RFC1: variants seen among roughly 807,000 people sequenced by gnomAD.
The protein encoded by RFC1 is A1 140 kDa subunit.
RFC1 carries 37 observed loss-of-function variants against 137.4 expected under a neutral mutation model. The observed-to-expected ratio is 0.27, with a 90% CI of 0.21 to 0.35. The LOEUF (loss-of-function observed/expected upper bound fraction) is 0.35, where lower values mean the gene tolerates loss of function less well. RFC1 is among the 10% of genes least tolerant of loss of function. RFC1 has a pLI of 1.00. For missense variants in RFC1, 1,205 were observed against 1,358.5 expected (o/e 0.89, Z 1.78); for synonymous variants, 429 against 455.7 (o/e 0.94, Z 0.75).
At chr4:39,307,858 T>C (rs1245777050) in intron 13 of RFC1, among the ~76,000 whole-genome samples, 1 of 152,214 alleles carries the variant, frequency 6.6e-6, no homozygotes, top group African/African-American at 2.4e-5. Flanking sequence ...CATTACAATA[T>C]ATTATTTTTA....
At chr4:39,289,701 C>T (rs1304387738) in intron 24 of RFC1, 147 bp downstream of exon 24, 2 of 605,932 alleles carry the variant, frequency 3.3e-6, no homozygotes, top group Non-Finnish European at 5.8e-6. Context: ...GAAATCTCTA[C>T]CTTCTCCACC....
chr4:39,346,881 G>A (rs920866932), intron 2 of RFC1, among the ~76,000 whole-genome samples: 1 of 152,288 alleles, frequency 6.6e-6, no homozygotes, highest in Admixed American at 6.5e-5. Flanking sequence ...TTATACATAT[G>A]TGGAACAACT....
At chr4:39,356,259 C>G (rs1741474760) in intron 1 of RFC1, among the ~76,000 whole-genome samples, 1 of 151,928 alleles carries the variant, frequency 6.6e-6, no homozygotes, top group African/African-American at 2.4e-5. Flanking sequence ...ATTAGCCGAG[C>G]TTGGTGGTAC....
intron 3 of RFC1, 49 bp downstream of exon 3, chr4:39,345,352 G>T: frequency 6.8e-7 from 1 of 1,470,602 alleles, no homozygotes; most frequent in Non-Finnish European, 9.5e-7. Flanking sequence ...TGTTCTAAGG[G>T]ATATACAATA....
intron 10 of RFC1, among the ~76,000 whole-genome samples, chr4:39,314,274 T>A (rs1489637082): frequency 6.6e-6 from 1 of 152,178 alleles, no homozygotes; most frequent in East Asian, 1.9e-4. Context: ...ACTGTAACAC[T>A]ACAGGAACTT....
chr4:39,361,474 T>C (rs1425622944), intron 1 of RFC1, among the ~76,000 whole-genome samples: 1 of 152,214 alleles, frequency 6.6e-6, no homozygotes, highest in Non-Finnish European at 1.5e-5. Flanking sequence ...TTGGAGGGCT[T>C]TCCCTCTAAA....
intron 4 of RFC1, among the ~76,000 whole-genome samples, chr4:39,337,588 G>C (rs1196188553): frequency 6.6e-6 from 1 of 151,676 alleles, no homozygotes. Flanking sequence ...TTTTTAACAA[G>C]TATAATCAAA....
chr4:39,334,260 C>T (rs1024890857), intron 4 of RFC1, among the ~76,000 whole-genome samples: 2 of 152,120 alleles, frequency 1.3e-5, no homozygotes, highest in Non-Finnish European at 1.5e-5. Flanking sequence ...AAGCCACAGG[C>T]ATATCTGAAA....
intron 1 of RFC1, among the ~76,000 whole-genome samples, chr4:39,355,636 T>C (rs947558727): frequency 5.3e-5 from 8 of 152,190 alleles, no homozygotes; most frequent in Non-Finnish European, 8.8e-5. Context: ...TTTAGAAGAC[T>C]GATAATGCCC....
At chr4:39,293,934 G>T (rs1737831543) in intron 22 of RFC1, among the ~76,000 whole-genome samples, 1 of 152,214 alleles carries the variant, frequency 6.6e-6, no homozygotes, top group East Asian at 1.9e-4. Flanking sequence ...CCACCTGCAT[G>T]TCTTGGCTGA....
chr4:39,317,114 G>T, intron 9 of RFC1, 92 bp from the exon 10 acceptor site: 2 of 749,370 alleles, frequency 2.7e-6, no homozygotes, highest in Non-Finnish European at 4.5e-6. Context: ...TATTTTTATT[G>T]TGTCACTTCT....
chr4:39,365,347 T>G, intron 1 of RFC1: 8 of 411,886 alleles, frequency 1.9e-5, no homozygotes, highest in Non-Finnish European at 2.3e-5. Context: ...CTGTGACACG[T>G]TGACCAATGA....
chr4:39,320,055 A>G (rs1363313970), intron 9 of RFC1, among the ~76,000 whole-genome samples: 1 of 152,204 alleles, frequency 6.6e-6, no homozygotes, highest in African/African-American at 2.4e-5. Context: ...ACTCCCTAGA[A>G]AGTTCCTACC....
chr4:39,316,186 C>T (rs547281865), intron 10 of RFC1, among the ~76,000 whole-genome samples: 2 of 152,264 alleles, frequency 1.3e-5, no homozygotes, highest in South Asian at 2.1e-4. Context: ...GCTGAGATTG[C>T]GCCACTGCAC....
chr4:39,309,301 G>GA (rs961486298), intron 12 of RFC1, among the ~76,000 whole-genome samples: 5 of 151,912 alleles, frequency 3.3e-5, no homozygotes, highest in Admixed American at 1.3e-4. Flanking sequence ...ATTTTAGTTT[G>GA]AAAAAAACAA....
intron 4 of RFC1, among the ~76,000 whole-genome samples, chr4:39,337,938 CCAGT>C (rs1235526125): frequency 8.5e-5 from 13 of 152,102 alleles, no homozygotes; most frequent in African/African-American, 2.4e-4. Context: ...ATTAAAATTA[CCAGT>C]CAAACAATTC....
chr4:39,361,840 A>C (rs1741774030), intron 1 of RFC1, among the ~76,000 whole-genome samples: 1 of 152,194 alleles, frequency 6.6e-6, no homozygotes, highest in African/African-American at 2.4e-5. Context: ...CGAGGTCAGG[A>C]GATCGAGACC....
intron 22 of RFC1, among the ~76,000 whole-genome samples, chr4:39,295,324 TAACAGTA>T (rs1737925275): frequency 6.6e-6 from 1 of 152,218 alleles, no homozygotes; most frequent in African/African-American, 2.4e-5. Context: ...ATAATAACAA[TAACAGTA>T]ACAGTGCCAC....
intron 2 of RFC1, among the ~76,000 whole-genome samples, chr4:39,348,460 A>ACGGG (rs1741009801): frequency 7.9e-6 from 1 of 127,326 alleles, no homozygotes; most frequent in Non-Finnish European, 1.8e-5. Context: ...AAAAGAAAAG[A>ACGGG]AAAGAAAAGA....
Sources: allele counts gnomAD v4.1 joint callset (sites outside exome capture counted in the v4.1 genomes callset), GRCh38; gene constraint gnomAD v4.1.1; transcripts MANE v1.5; gene names NCBI Gene and HGNC (gene_info 2026-07-23, HGNC 2026-07-21).